Variants in RBFOX1 observed in about 807,000 individuals in gnomAD.
RBFOX1 encodes the protein RNA binding fox-1 homolog 1, also known as RNA binding protein fox-1 homolog 1.
Under a neutral mutation model 57.7 loss-of-function variants are expected in RBFOX1, and 8 were observed. The ratio of observed to expected loss-of-function variants is 0.14; its 90% CI spans 0.08 to 0.25. The LOEUF is 0.25. Ranked by LOEUF, RBFOX1 falls within the 10% of genes least tolerant of loss-of-function variation. The probability of loss-of-function intolerance (pLI) is 1.00; values close to 1 mark genes in which losing one functional copy is unlikely to be tolerated. For synonymous variants in RBFOX1, 326 were observed against 222.4 expected, an observed-to-expected ratio of 1.47 and a Z score of -4.15; for missense variants, 611 against 548.5, an observed-to-expected ratio of 1.11 and a Z score of -1.14.
At chr16:6,158,294 C>T (rs9929361) in intron 1 of RBFOX1, among the ~76,000 whole-genome samples, 18,933 of 152,076 alleles carry the variant, frequency 0.12, 2,408 homozygotes, top group African/African-American at 0.33. Flanking sequence ...GCATCACAGG[C>T]GATGCACCTA....
intron 1 of RBFOX1, among the ~76,000 whole-genome samples, chr16:6,188,447 T>G (rs1043362029): frequency 2.2e-5 from 3 of 136,324 alleles, no homozygotes; most frequent in African/African-American, 8.0e-5. Context: ...AGGCTAAACA[T>G]AAAATACAGT....
intron 3 of RBFOX1, among the ~76,000 whole-genome samples, chr16:6,992,204 C>A (rs1299938424): frequency 6.7e-6 from 1 of 150,186 alleles, no homozygotes; most frequent in Non-Finnish European, 1.5e-5. Context: ...CACTCTGTTG[C>A]ACAGGCTGGA....
At chr16:6,685,762 T>G (rs2059357976) in intron 3 of RBFOX1, among the ~76,000 whole-genome samples, 1 of 152,152 alleles carries the variant, frequency 6.6e-6, no homozygotes, top group Admixed American at 6.5e-5. Flanking sequence ...CCCTATCCTT[T>G]TTCCCTCCAA....
chr16:7,004,646 C>T (rs1351244718), intron 3 of RBFOX1, among the ~76,000 whole-genome samples: 1 of 152,182 alleles, frequency 6.6e-6, no homozygotes, highest in Non-Finnish European at 1.5e-5. Context: ...CATTGGTATT[C>T]CATTGTCTGG....
chr16:6,380,903 G>A (rs1458615357), intron 2 of RBFOX1, among the ~76,000 whole-genome samples: 1 of 152,154 alleles, frequency 6.6e-6, no homozygotes, highest in Admixed American at 6.5e-5. Context: ...TTTACCAAGT[G>A]GAGGAACAAA....
intron 3 of RBFOX1, among the ~76,000 whole-genome samples, chr16:7,020,272 C>A (rs533069686): frequency 2.0e-5 from 3 of 152,108 alleles, no homozygotes; most frequent in African/African-American, 7.2e-5. Flanking sequence ...GTTACCCAGG[C>A]TGGAGTGCAG....
At chr16:6,259,639 A>G (rs776377865) in intron 1 of RBFOX1, among the ~76,000 whole-genome samples, 1 of 152,208 alleles carries the variant, frequency 6.6e-6, no homozygotes, top group Middle Eastern at 3.4e-3. Flanking sequence ...AATATCTGCG[A>G]TCATGTACGT....
At position 7,330,541 on chromosome 16, in the gene RBFOX1, GA is replaced by G. The variant is rs1168200704; in HGVS notation, c.28-187605del. ...GTGTGTGTGTAGAGAGAGAGAGAGAGAGAGAGAAAGTTACATAAATACAATG... is the reference window on the plus strand; with the variant it reads ...GTGTGTGTGTAGAGAGAGAGAGAGAGGAGAGAAAGTTACATAAATACAATG... On this transcript the variant is annotated intron_variant, in intron 4 of 15. Transcript: ENST00000550418. Among the ~76,000 whole-genome samples the G allele has an allele frequency of 1.9e-4, 28 of 150,476 alleles. No homozygotes were observed. The South Asian group carries it at 3.2e-3, about 17-fold the overall frequency.
chr16:6,130,487 A>G (rs986796896), intron 1 of RBFOX1, among the ~76,000 whole-genome samples: 3 of 152,194 alleles, frequency 2.0e-5, no homozygotes, highest in African/African-American at 7.2e-5. Context: ...AAACATATGG[A>G]TGTGAAAACT....
intron 1 of RBFOX1, among the ~76,000 whole-genome samples, chr16:6,252,250 C>G (rs989666214): frequency 1.3e-5 from 2 of 152,050 alleles, no homozygotes; most frequent in Non-Finnish European, 2.9e-5. Context: ...TACGCCCCCA[C>G]CCTAAACCTG....
intron 4 of RBFOX1, among the ~76,000 whole-genome samples, chr16:7,312,948 G>A (rs2096351167): frequency 6.6e-6 from 1 of 152,072 alleles, no homozygotes; most frequent in African/African-American, 2.4e-5. Context: ...GCTTGGCACT[G>A]ATGTCTGGGA....
At chr16:6,977,036 CAT>C (rs1056141225) in intron 3 of RBFOX1, among the ~76,000 whole-genome samples, 6 of 135,166 alleles carry the variant, frequency 4.4e-5, no homozygotes, top group South Asian at 2.4e-4. Context: ...TCATATATAT[CAT>C]ATATATCATA....
At chr16:6,918,306 C>G (rs1206746218) in intron 3 of RBFOX1, among the ~76,000 whole-genome samples, 1 of 150,004 alleles carries the variant, frequency 6.7e-6, no homozygotes, top group Non-Finnish European at 1.5e-5. Flanking sequence ...AGGAAACACA[C>G]ATTTGGGGAC....
intron 1 of RBFOX1, among the ~76,000 whole-genome samples, chr16:5,322,216 G>T (rs555944629): frequency 3.3e-5 from 5 of 152,134 alleles, no homozygotes; most frequent in Non-Finnish European, 7.4e-5. Flanking sequence ...AGAGAAAAAC[G>T]TAATAAACAC....
intron 2 of RBFOX1, among the ~76,000 whole-genome samples, chr16:6,517,758 C>T (rs535217313): frequency 5.3e-5 from 8 of 152,272 alleles, no homozygotes; most frequent in Non-Finnish European, 1.0e-4. Context: ...TGCCACATCC[C>T]TTCATGGCCA....
chr16:6,431,904 T>G (rs78352358), intron 2 of RBFOX1, among the ~76,000 whole-genome samples: 30,606 of 79,730 alleles, frequency 0.38, 3,550 homozygotes, highest in Middle Eastern at 0.44. Context: ...TTGCTTTCTT[T>G]CTTTCTTTCT....
chr16:7,389,292 A>G (rs954061210), intron 4 of RBFOX1, among the ~76,000 whole-genome samples: 2 of 151,962 alleles, frequency 1.3e-5, no homozygotes, highest in Admixed American at 1.3e-4. Context: ...CGCCCAGCTA[A>G]TTTTAGTATT....
chr16:6,593,003 GC>G (rs1567805415), intron 2 of RBFOX1, among the ~76,000 whole-genome samples: 1 of 152,104 alleles, frequency 6.6e-6, no homozygotes, highest in Non-Finnish European at 1.5e-5. Flanking sequence ...GACTAGCCCG[GC>G]CAACATGGTA....
intron 1 of RBFOX1, among the ~76,000 whole-genome samples, chr16:6,253,673 GCA>G (rs1325829337): frequency 7.9e-5 from 4 of 50,734 alleles, no homozygotes; most frequent in East Asian, 7.9e-4. Context: ...GTGTGTGTGT[GCA>G]TGTGTGTGTG....
Sources: allele counts gnomAD v4.1 joint callset (sites outside exome capture counted in the v4.1 genomes callset), GRCh38; gene constraint gnomAD v4.1.1; transcripts MANE v1.5; gene names NCBI Gene and HGNC (gene_info 2026-07-23, HGNC 2026-07-21).